The following TYW1 variants were observed in gnomAD, a reference collection of about 807,000 sequenced individuals.
TYW1 encodes S-adenosyl-L-methionine-dependent tRNA 4-demethylwyosine synthase TYW1.
Under a neutral mutation model 96.2 loss-of-function variants are expected in TYW1, and 46 were observed. The ratio of observed to expected loss-of-function variants is 0.48; its 90% CI spans 0.38 to 0.61. TYW1 has a LOEUF of 0.61. Among genes scored for constraint, TYW1 ranks in the 20% least tolerant of loss-of-function variants. TYW1 has a pLI of 0.00. For missense variants in TYW1, 684 were observed against 909.6 expected, an observed-to-expected ratio of 0.75 and a Z score of 3.19; for synonymous variants, 274 against 323.0, an observed-to-expected ratio of 0.85 and a Z score of 1.63.
At chr7:67,236,085 G>A (rs1006944439) in intron 15 of TYW1, among the ~76,000 whole-genome samples, 13 of 151,998 alleles carry the variant, frequency 8.6e-5, no homozygotes, top group African/African-American at 3.1e-4. Context: ...CTGTGGCCAG[G>A]AAACTGACAG....
intron 13 of TYW1, among the ~76,000 whole-genome samples, chr7:67,166,537 CCT>C (rs199682270): frequency 3.5e-4 from 28 of 79,788 alleles, no homozygotes; most frequent in African/African-American, 1.9e-3. Context: ...GTCATCAGCC[CCT>C]CCCCTCTCTA....
chr7:67,164,099 G>A (rs1426094813), intron 13 of TYW1, among the ~76,000 whole-genome samples: 1 of 152,110 alleles, frequency 6.6e-6, no homozygotes, highest in Admixed American at 6.6e-5. Context: ...CGTGTTTTCT[G>A]ATCCCAAAAC....
intron 13 of TYW1, among the ~76,000 whole-genome samples, chr7:67,139,447 A>G (rs933528152): frequency 1.1e-4 from 17 of 152,208 alleles, no homozygotes; most frequent in African/African-American, 3.9e-4. Flanking sequence ...GCACACATAC[A>G]TATGCATATA....
intron 15 of TYW1, among the ~76,000 whole-genome samples, chr7:67,202,384 T>G (rs1393808691): frequency 7.5e-5 from 11 of 146,280 alleles, no homozygotes; most frequent in Non-Finnish European, 1.7e-4. Flanking sequence ...TCTCAGGAGA[T>G]TGCTCAATTT....
At chr7:67,097,744 G>C (rs992146144) in intron 11 of TYW1, among the ~76,000 whole-genome samples, 6 of 151,782 alleles carry the variant, frequency 4.0e-5, no homozygotes, top group Non-Finnish European at 8.8e-5. Context: ...CCAGGCTGGA[G>C]TGCAGTGGCA....
Position 67,218,959 on chromosome 7 carries a change from A to G in TYW1, c.1978-19349A>G, listed in dbSNP as rs1402358946. On this transcript the variant is annotated intron_variant, in intron 15 of 15. Coordinates refer to ENST00000359626, the MANE Select transcript of TYW1 (RefSeq NM_018264.4). ...ATTATTTTGAACGAAAGTAGTGAAG[A>G]TGGTCATCCTTGCCTTGCTCTATTT... 2.0e-5 allele frequency among the ~76,000 whole-genome samples: 3 copies of G among 152,200 alleles called. No individual in the cohort carries two copies. The South Asian group carries it at 6.2e-4, about 31-fold the overall frequency.
intron 13 of TYW1, among the ~76,000 whole-genome samples, chr7:67,168,152 ATCAT>A (rs1304552209): frequency 5.1e-5 from 7 of 136,790 alleles, no homozygotes; most frequent in African/African-American, 1.8e-4. Flanking sequence ...TTTTTATCAT[ATCAT>A]TTTTTTTGCG....
intron 13 of TYW1, among the ~76,000 whole-genome samples, chr7:67,176,067 G>A (rs1799663171): frequency 6.6e-6 from 1 of 151,984 alleles, no homozygotes; most frequent in South Asian, 2.1e-4. Context: ...TAGATACACA[G>A]TCAGCTTACA....
At chr7:67,106,718 T>C (rs1472605174) in intron 12 of TYW1, among the ~76,000 whole-genome samples, 9 of 152,240 alleles carry the variant, frequency 5.9e-5, no homozygotes, top group African/African-American at 2.2e-4. Flanking sequence ...CGTTAACTGT[T>C]ATGTATCATA....
At chr7:67,080,735 A>G (rs1796358004) in intron 10 of TYW1, among the ~76,000 whole-genome samples, 1 of 151,774 alleles carries the variant, frequency 6.6e-6, no homozygotes, top group Non-Finnish European at 1.5e-5. Flanking sequence ...GTATTTTTCC[A>G]TCGCATTCAC....
intron 11 of TYW1, among the ~76,000 whole-genome samples, chr7:67,093,463 A>C (rs926147606): frequency 6.6e-5 from 10 of 152,130 alleles, no homozygotes; most frequent in African/African-American, 2.4e-4. Context: ...GGCCTAGCCG[A>C]TGCTCCTTCC....
Position 67,009,638 on chromosome 7 carries a change from T to C in TYW1, c.329T>C (p.Ile110Thr), listed in dbSNP as rs775176185. The C allele has an allele frequency of 3.1e-6, 5 of 1,612,432 alleles. No homozygotes were observed. The highest frequency in any genetic ancestry group is 1.1e-5 in the South Asian group (1 of 90,270). The change falls in exon 4 of 16, where the codon ATT becomes ACT. Residue 110 changes from isoleucine to threonine, a missense_variant. By Grantham distance (89) the Ile-to-Thr change is moderately conservative. Transcript: ENST00000359626. ...AVTSLDLPVA[I>T]INLKEYDPDD... is the part of the protein sequence containing the mutation. ...ACATCCCTGGATCTGCCTGTGGCCA[T>C]TATTAATCTAAAAGAATATGATCCA...
chr7:67,056,157 T>C (rs1795509038), intron 9 of TYW1, among the ~76,000 whole-genome samples: 1 of 152,218 alleles, frequency 6.6e-6, no homozygotes, highest in African/African-American at 2.4e-5. Context: ...GGAATTCTTG[T>C]TCTAATTGCT....
intron 12 of TYW1, 130 bp downstream of exon 12, chr7:67,098,848 A>G (rs1026605214): frequency 2.8e-5 from 29 of 1,022,476 alleles, no homozygotes; most frequent in Middle Eastern, 3.1e-4. Flanking sequence ...GGGCTTTGGG[A>G]GGTGAAGATG....
intron 12 of TYW1, among the ~76,000 whole-genome samples, chr7:67,102,189 T>C (rs1194281667): frequency 4.6e-5 from 7 of 152,208 alleles, no homozygotes; most frequent in Admixed American, 3.9e-4. Context: ...AGATGTTTCA[T>C]TGTTTGATCA....
At chr7:67,163,802 G>C (rs1219829041) in intron 13 of TYW1, among the ~76,000 whole-genome samples, 1 of 151,908 alleles carries the variant, frequency 6.6e-6, no homozygotes, top group Non-Finnish European at 1.5e-5. Context: ...CTGAGTAGCT[G>C]AGTTTACAGG....
At chr7:67,049,066 G>A (rs1795279568) in intron 7 of TYW1, among the ~76,000 whole-genome samples, 1 of 152,138 alleles carries the variant, frequency 6.6e-6, no homozygotes, top group South Asian at 2.1e-4. Context: ...GGTGGTAGTG[G>A]GATAACTTGG....
At chr7:67,048,616 C>T (rs1795260319) in intron 7 of TYW1, among the ~76,000 whole-genome samples, 2 of 152,050 alleles carry the variant, frequency 1.3e-5, no homozygotes, top group Admixed American at 1.3e-4. Flanking sequence ...TCATATCAAG[C>T]CAGTTACAAT....
At chr7:67,187,522 C>CA (rs560777594) in intron 14 of TYW1, among the ~76,000 whole-genome samples, 76 of 152,324 alleles carry the variant, frequency 5.0e-4, no homozygotes, top group African/African-American at 1.4e-3. Flanking sequence ...AGGTCAGTCT[C>CA]ATGCTTTGTT....
Sources: gnomAD v4.1 joint callset for allele counts (sites outside exome capture counted in the v4.1 genomes callset) on GRCh38, gnomAD v4.1.1 for gene constraint, MANE v1.5 for transcripts, NCBI Gene and HGNC (gene_info 2026-07-23, HGNC 2026-07-21) for gene names.